Variants in GALK2 observed in about 807,000 individuals in gnomAD.
GALK2 encodes N-acetylgalactosamine kinase.
GALK2 carries 36 observed loss-of-function variants against 52.4 expected under a neutral mutation model. The ratio of observed to expected loss-of-function variants is 0.69; its 90% confidence interval spans 0.53 to 0.91. The LOEUF is 0.91. Among genes scored for constraint, GALK2 ranks in the 40% least tolerant of loss-of-function variants. The pLI, the probability that GALK2 is intolerant of heterozygous loss-of-function variation, is 0.00. For missense variants in GALK2, 579 were observed against 559.1 expected, an observed-to-expected ratio of 1.04 and a Z score of -0.36; for synonymous variants, 176 against 199.1, an observed-to-expected ratio of 0.88 and a Z score of 0.98.
intron 1 of GALK2, chr15:49,156,932 A>G (rs1595834682): frequency 2.6e-6 from 1 of 388,692 alleles, no homozygotes; most frequent in Non-Finnish European, 4.7e-6. Context: ...AAATTATGTT[A>G]ATTACCAAGT....
At chr15:49,305,147 T>C (rs762542007) in intron 8 of GALK2, among the ~76,000 whole-genome samples, 5 of 152,240 alleles carry the variant, frequency 3.3e-5, no homozygotes, top group Non-Finnish European at 7.3e-5. Flanking sequence ...TTCTACCTAC[T>C]GTGCCATTTG....
chr15:49,267,479 G>C (rs980165764), intron 5 of GALK2, among the ~76,000 whole-genome samples: 2 of 152,124 alleles, frequency 1.3e-5, no homozygotes, highest in African/African-American at 4.8e-5. Flanking sequence ...TCGTTGTCAA[G>C]GTCTTCTGTC....
intron 1 of GALK2, among the ~76,000 whole-genome samples, chr15:49,171,658 A>G (rs1483999506): frequency 6.6e-6 from 1 of 152,218 alleles, no homozygotes; most frequent in Non-Finnish European, 1.5e-5. Flanking sequence ...GTTCTTGTAT[A>G]GCACTGTTGC....
At chr15:49,220,900 A>G (rs1444691363) in intron 3 of GALK2, among the ~76,000 whole-genome samples, 4 of 152,024 alleles carry the variant, frequency 2.6e-5, no homozygotes, top group Non-Finnish European at 5.9e-5. Flanking sequence ...ATGTCTCTTC[A>G]TGTTATTTGT....
rs181293474 is a variant in GALK2 at position 49,274,190 on chromosome 15, T to C, written c.505-7797T>C. ...AGAAATGTGCTGTTAGGTGATTTTGTCATTGTGTCAACATCATAGAGTGTA... is the reference window on the plus strand; with the variant it reads ...AGAAATGTGCTGTTAGGTGATTTTGCCATTGTGTCAACATCATAGAGTGTA... On this transcript the variant is annotated intron_variant, in intron 5 of 9. Coordinates refer to ENST00000560031, the MANE Select transcript of GALK2 (RefSeq NM_002044.4). Among the ~76,000 whole-genome samples, 984 of 152,302 alleles carry C rather than the reference T, an allele frequency of 6.5e-3. 15 individuals carry two copies. The highest frequency in any genetic ancestry group is 0.022 in the African/African-American group (928 of 41,548).
At chr15:49,219,842 T>G (rs1438620580) in intron 3 of GALK2, among the ~76,000 whole-genome samples, 3 of 152,138 alleles carry the variant, frequency 2.0e-5, no homozygotes, top group Admixed American at 1.3e-4. Context: ...TTGCCAAAGT[T>G]GTATAATTTT....
chr15:49,228,687 A>ATGTATATATATATATATATACATATAT (rs1555409061), intron 3 of GALK2, among the ~76,000 whole-genome samples: 1 of 14,276 alleles, frequency 7.0e-5, no homozygotes, highest in East Asian at 1.3e-3. Context: ...ATATATATAT[A>ATGTATATATATATATATATACATATAT]TTTTTTTTTT....
At chr15:49,333,259 CTCTT>C (rs999065883), downstream of GALK2, among the ~76,000 whole-genome samples, 10 of 152,144 alleles carry the variant, frequency 6.6e-5, no homozygotes, top group African/African-American at 2.2e-4. Context: ...CTAATCCTCC[CTCTT>C]TCTGATTGCC....
In GALK2 at chr15:49,270,450, T is replaced by C. The variant is rs546133209; in HGVS notation, c.505-11537T>C. ...ATTCTTTAGAGCACATAAAATATAA[T>C]GAAAATCACCTCTGCAATGTCTGAA... On this transcript the variant is annotated intron_variant, in intron 5 of 9. Coordinates refer to ENST00000560031, the MANE Select transcript of GALK2 (RefSeq NM_002044.4). Among the ~76,000 whole-genome samples the C allele has an allele frequency of 1.1e-4, 16 of 152,298 alleles. 1 individual carries two copies. In the East Asian group the frequency reaches 2.7e-3, roughly 26 times the overall value.
intron 3 of GALK2, among the ~76,000 whole-genome samples, chr15:49,233,498 C>T (rs560469824): frequency 6.6e-6 from 1 of 152,314 alleles, no homozygotes; most frequent in African/African-American, 2.4e-5. Flanking sequence ...CAACTATCCT[C>T]CTCTTTTTCT....
At chr15:49,265,417 C>T (rs1244759335) in intron 5 of GALK2, among the ~76,000 whole-genome samples, 1 of 152,206 alleles carries the variant, frequency 6.6e-6, no homozygotes, top group African/African-American at 2.4e-5. Context: ...TTTTTAAGCC[C>T]GTCGGAAAAG....
At chr15:49,320,685 T>A (rs1303213947) in intron 9 of GALK2, among the ~76,000 whole-genome samples, 1 of 152,218 alleles carries the variant, frequency 6.6e-6, no homozygotes, top group Non-Finnish European at 1.5e-5. Context: ...ACAAATGGCC[T>A]GGGTAATCCA....
At chr15:49,259,498 G>T (rs949101984) in intron 5 of GALK2, among the ~76,000 whole-genome samples, 4 of 151,078 alleles carry the variant, frequency 2.6e-5, no homozygotes, top group African/African-American at 9.7e-5. Flanking sequence ...TTTCATCCAG[G>T]TCCCTACAAA....
At chr15:49,338,382 T>C (rs2040135703) in intron 3 of GALK2, among the ~76,000 whole-genome samples, 1 of 152,222 alleles carries the variant, frequency 6.6e-6, no homozygotes, top group Admixed American at 6.5e-5. Context: ...CCTTCACTTA[T>C]GAAGCTTAGT....
chr15:49,271,511 G>C (rs1157548358), intron 5 of GALK2, among the ~76,000 whole-genome samples: 1 of 152,188 alleles, frequency 6.6e-6, no homozygotes, highest in Admixed American at 6.5e-5. Flanking sequence ...TTCCCTGAGA[G>C]ATAAAGTATA....
At chr15:49,249,912 TC>T (rs1470520828) in intron 5 of GALK2, among the ~76,000 whole-genome samples, 1 of 152,192 alleles carries the variant, frequency 6.6e-6, no homozygotes, top group Non-Finnish European at 1.5e-5. Context: ...ACAAGTTACT[TC>T]CTCCTTCCTT....
chr15:49,277,257 C>T (rs1160524540), intron 5 of GALK2, among the ~76,000 whole-genome samples: 1 of 126,510 alleles, frequency 7.9e-6, no homozygotes, highest in Non-Finnish European at 1.6e-5. Context: ...CAAGCTCCGC[C>T]TCCCGGGTTC....
chr15:49,230,666 C>T (rs2141455092), intron 3 of GALK2, among the ~76,000 whole-genome samples: 1 of 152,330 alleles, frequency 6.6e-6, no homozygotes, highest in East Asian at 1.9e-4. Flanking sequence ...GATCCAGACA[C>T]ACACAGGTGT....
intron 3 of GALK2, among the ~76,000 whole-genome samples, chr15:49,223,824 A>G (rs1318633865): frequency 6.6e-6 from 1 of 151,458 alleles, no homozygotes; most frequent in African/African-American, 2.4e-5. Flanking sequence ...TGTGTTTGCT[A>G]TGGTAAATAG....
Sources: gnomAD v4.1 joint callset for allele counts (sites outside exome capture counted in the v4.1 genomes callset) on GRCh38, gnomAD v4.1.1 for gene constraint, MANE v1.5 for transcripts, NCBI Gene and HGNC (gene_info 2026-07-23, HGNC 2026-07-21) for gene names.